Variants in EXOC5 observed in about 807,000 individuals in gnomAD.
The protein encoded by EXOC5 is SEC10-like 1.
Under a neutral mutation model 90.8 loss-of-function variants are expected in EXOC5, and 17 were observed. That is an observed-to-expected ratio of 0.19 (90% CI 0.13 to 0.28). The LOEUF (loss-of-function observed/expected upper bound fraction) is 0.28, where lower values mean the gene tolerates loss of function less well. EXOC5 is among the 10% of genes least tolerant of loss of function. EXOC5 has a pLI of 1.00. For missense variants in EXOC5, 569 were observed against 830.6 expected, an observed-to-expected ratio of 0.69 and a Z score of 3.87; for synonymous variants, 260 against 270.0, an observed-to-expected ratio of 0.96 and a Z score of 0.36.
chr14:57,264,844 A>T (rs1024266406), intron 1 of EXOC5, among the ~76,000 whole-genome samples: 1 of 152,080 alleles, frequency 6.6e-6, no homozygotes, highest in Non-Finnish European at 1.5e-5. Context: ...ACCATTTATA[A>T]CCTTATTTTT....
intron 9 of EXOC5, 25 bp from the exon 10 acceptor site, chr14:57,232,774 GT>G: frequency 9.3e-7 from 1 of 1,069,714 alleles, no homozygotes; most frequent in Non-Finnish European, 1.4e-6. Context: ...TTAACATTCT[GT>G]TAATTAGGTA....
At chr14:57,258,808 T>C (rs562933970) in intron 1 of EXOC5, among the ~76,000 whole-genome samples, 3 of 152,336 alleles carry the variant, frequency 2.0e-5, no homozygotes, top group Non-Finnish European at 4.4e-5. Context: ...TATATTTTCT[T>C]GTATCTCCAT....
chr14:57,239,101 A>G (rs1412062372), intron 5 of EXOC5, among the ~76,000 whole-genome samples: 1 of 152,138 alleles, frequency 6.6e-6, no homozygotes, highest in African/African-American at 2.4e-5. Context: ...TGGATAGGCT[A>G]GAGTCTAAAA....
At position 57,203,017 on chromosome 14, in the gene EXOC5, A is replaced by T. The variant is rs1205094815; in HGVS notation, c.*5592T>A. 6.6e-6 allele frequency: 1 copy of T among 152,244 alleles called. No homozygotes were observed. Among genetic ancestry groups the T allele is most frequent in the African/African-American group, 2.4e-5 (1 of 41,466 alleles). 9.4% of individuals were successfully genotyped at this position (152,244 alleles called of 1,614,324 possible). Reference sequence around the variant, plus strand: ...CCATGTTATCCTCTAAATGGTACACAGTATTCACAAACAATATGCTTAGAG... The same window carrying T: ...CCATGTTATCCTCTAAATGGTACACTGTATTCACAAACAATATGCTTAGAG... On this transcript the variant is annotated 3_prime_UTR_variant, in exon 18 of 18. Coordinates refer to ENST00000621441, the MANE Select transcript of EXOC5 (RefSeq NM_006544.4).
At chr14:57,212,766 A>G (rs10140987) in intron 15 of EXOC5, among the ~76,000 whole-genome samples, 37,093 of 152,160 alleles carry the variant, frequency 0.24, 10,886 homozygotes, top group African/African-American at 0.71. Flanking sequence ...ACTTTTGGCA[A>G]ACGGCCCATT....
chr14:57,214,049 C>T (rs1483132176), intron 15 of EXOC5, among the ~76,000 whole-genome samples: 1 of 152,116 alleles, frequency 6.6e-6, no homozygotes, highest in African/African-American at 2.4e-5. Flanking sequence ...ATCTGTAGGC[C>T]TTTTTGAGAT....
In EXOC5 at chr14:57,218,179, A is replaced by T. The variant is rs984728241; in HGVS notation, c.1527-111T>A. Reference sequence around the variant, plus strand: ...TATATACATTTATAAATATATCCATATATACACATTAATATTGTTAACAAA... The same window carrying T: ...TATATACATTTATAAATATATCCATTTATACACATTAATATTGTTAACAAA... On this transcript the variant is annotated intron_variant, in intron 14 of 17. Coordinates refer to ENST00000621441, the MANE Select transcript of EXOC5 (RefSeq NM_006544.4). 2.4e-5 allele frequency: 13 copies of T among 549,320 alleles called. 1 individual carries two copies. The highest frequency in any genetic ancestry group is 3.9e-5 in the Non-Finnish European group (12 of 310,366). The allele number at this position is 549,320 out of a possible 1,614,324, so 34.0% of individuals were successfully genotyped here. A position where few individuals can be genotyped will look rare whatever the true frequency, so the allele number is the denominator to read the frequency against.
intron 1 of EXOC5, among the ~76,000 whole-genome samples, chr14:57,256,623 T>C (rs1356420574): frequency 6.6e-6 from 1 of 152,184 alleles, no homozygotes; most frequent in African/African-American, 2.4e-5. Context: ...TAATGTGCCA[T>C]CCAGATTGCC....
chr14:57,214,752 A>G (rs1031594982), intron 15 of EXOC5, among the ~76,000 whole-genome samples: 1 of 152,238 alleles, frequency 6.6e-6, no homozygotes, highest in African/African-American at 2.4e-5. Context: ...AATGTACTTT[A>G]GGGTATTTCA....
intron 5 of EXOC5, 126 bp from the exon 6 acceptor site, chr14:57,237,492 C>A (rs932935643): frequency 3.5e-6 from 2 of 569,490 alleles, no homozygotes; most frequent in Non-Finnish European, 3.1e-6. Flanking sequence ...ATCTTTGCAA[C>A]TTTTCTGTAA....
chr14:57,237,682 A>G (rs543724300), intron 5 of EXOC5: 43 of 205,548 alleles, frequency 2.1e-4, no homozygotes, highest in African/African-American at 9.0e-4. Context: ...ACTGCTCTGC[A>G]TAAGACACTA....
At chr14:57,247,097 T>C (rs185005651) in intron 2 of EXOC5, among the ~76,000 whole-genome samples, 4 of 152,280 alleles carry the variant, frequency 2.6e-5, no homozygotes, top group African/African-American at 9.6e-5. Context: ...AAACATGACA[T>C]TTGAAAATAT....
chr14:57,227,836 T>C (rs1330736059), intron 12 of EXOC5, among the ~76,000 whole-genome samples: 1 of 152,098 alleles, frequency 6.6e-6, no homozygotes, highest in Non-Finnish European at 1.5e-5. Context: ...TAAGACTGCC[T>C]CAACTCTCAA....
intron 7 of EXOC5, among the ~76,000 whole-genome samples, chr14:57,234,392 C>T (rs1049502591): frequency 6.6e-6 from 1 of 151,476 alleles, no homozygotes; most frequent in Non-Finnish European, 1.5e-5. Context: ...CACACACATA[C>T]ACACAAACAC....
chr14:57,204,109 C>T lies in EXOC5; in HGVS notation c.*4500G>A, dbSNP rs1882576007. On this transcript the variant is annotated 3_prime_UTR_variant, in exon 18 of 18. Transcript: ENST00000621441. ...GAAAATGGGCGAGTGTGTTTAATTA[C>T]TCATCTTTCCCCCCAAAAGTCGATA... The T allele has an allele frequency of 6.6e-6, 1 of 152,180 alleles. No individual in the cohort carries two copies. Among genetic ancestry groups the T allele is most frequent in the African/African-American group, 2.4e-5 (1 of 41,436 alleles). The allele number at this position is 152,180 out of a possible 1,614,324, so 9.4% of individuals were successfully genotyped here. A position where few individuals can be genotyped will look rare whatever the true frequency, so the allele number is the denominator to read the frequency against.
intron 1 of EXOC5, among the ~76,000 whole-genome samples, chr14:57,251,360 G>A (rs1312596103): frequency 6.6e-6 from 1 of 152,190 alleles, no homozygotes; most frequent in Non-Finnish European, 1.5e-5. Context: ...AAAGAGGCTG[G>A]TGGCCTTTCT....
Position 57,206,225 on chromosome 14 carries a change from T to A in EXOC5, c.*2384A>T. The A allele has an allele frequency of 3.9e-6, 1 of 259,638 alleles. No individual in the cohort carries two copies. The highest frequency in any genetic ancestry group is 4.4e-5 in the South Asian group (1 of 22,902). The allele number at this position is 259,638 out of a possible 1,614,324, so 16.1% of individuals were successfully genotyped here. A position where few individuals can be genotyped will look rare whatever the true frequency, so the allele number is the denominator to read the frequency against. On this transcript the variant is annotated 3_prime_UTR_variant, in exon 18 of 18. Coordinates refer to ENST00000621441, the MANE Select transcript of EXOC5 (RefSeq NM_006544.4). ...TTACCAATTATACAAAGCTCCACTC[T>A]CTACCTAAAATTTTACCATGTGCAA...
chr14:57,239,233 A>G (rs1883779986), intron 5 of EXOC5, among the ~76,000 whole-genome samples: 1 of 152,180 alleles, frequency 6.6e-6, no homozygotes, highest in Admixed American at 6.5e-5. Flanking sequence ...TCATCAGGAA[A>G]TAGGAAAAGT....
In EXOC5 at chr14:57,209,775, A is replaced by T. The variant is rs760645704; in HGVS notation, c.1730T>A (p.Val577Glu). The T allele has an allele frequency of 3.1e-6, 5 of 1,606,992 alleles. No homozygotes were observed. The East Asian group carries it at 1.1e-4, about 36-fold the overall frequency. The change falls in exon 17 of 18, where the codon GTA becomes GAA. Residue 577 changes from valine to glutamate, a missense_variant. Val to Glu is a moderately radical substitution (Grantham distance 121). Transcript: ENST00000621441. ...TTTTCTTACGTAAGCACAGACTTTT[A>T]CACAGGCCTATAAAAGTTTTTCTAC... ...NVLIQYTNAC[V>E]KVCAYVRKQV...
Sources: allele counts gnomAD v4.1 joint callset (sites outside exome capture counted in the v4.1 genomes callset), GRCh38; gene constraint gnomAD v4.1.1; transcripts MANE v1.5; gene names NCBI Gene and HGNC (gene_info 2026-07-23, HGNC 2026-07-21).